The following PPP1R1A variants were observed in gnomAD, a reference collection of about 807,000 sequenced individuals.
PPP1R1A encodes the protein protein phosphatase 1 regulatory subunit 1A.
A neutral mutation model predicts 23.9 loss-of-function variants in PPP1R1A; 18 were observed. The ratio of observed to expected loss-of-function variants is 0.75; its 90% CI spans 0.52 to 1.12. The LOEUF (loss-of-function observed/expected upper bound fraction) is 1.12. Among genes scored for constraint, PPP1R1A ranks in the 50% most tolerant of loss-of-function variants. The pLI is 0.00. For missense variants in PPP1R1A, 207 were observed against 223.8 expected, an observed-to-expected ratio of 0.92 and a Z score of 0.48; for synonymous variants, 84 against 80.7, an observed-to-expected ratio of 1.04 and a Z score of -0.22.
intron 1 of PPP1R1A, among the ~76,000 whole-genome samples, chr12:54,586,701 T>C (rs1317867320): frequency 6.6e-6 from 1 of 152,178 alleles, no homozygotes; most frequent in African/African-American, 2.4e-5. Flanking sequence ...GCTCTCTTTT[T>C]TCCCTCTGAC....
At chr12:54,584,415 T>G in intron 1 of PPP1R1A, 95 bp from the exon 2 acceptor site, 3 of 1,154,962 alleles carry the variant, frequency 2.6e-6, no homozygotes, top group Non-Finnish European at 3.7e-6. Context: ...CAGGCTAGCC[T>G]ACTTAACACA....
At position 54,580,280 on chromosome 12, in the gene PPP1R1A, C is replaced by T. The variant is rs1161891198; in HGVS notation, c.*107G>A. 3.2e-6 allele frequency: 5 copies of T among 1,552,832 alleles called. No individual in the cohort carries two copies. Among genetic ancestry groups the T allele is most frequent in the Admixed American group, 2.0e-5 (1 of 50,416 alleles). On this transcript the variant is annotated 3_prime_UTR_variant, in exon 7 of 7. Transcript: ENST00000257905. Reference sequence around the variant, plus strand: ...CAAGGACCTAACACCAAATTTATCACTTTTTAAAAACAAGAGATTTTCCCC... The same window carrying T: ...CAAGGACCTAACACCAAATTTATCATTTTTTAAAAACAAGAGATTTTCCCC...
chr12:54,582,778 A>G lies in PPP1R1A; in HGVS notation c.201T>C (p.Ser67=), dbSNP rs1193663610. ...NPHLKSTLAM[S]PRQRKKMTRI... ...TTGTCATCTTCTTCCGTTGCCGTGGAGACATTGCCAAAGTGGACTGTGAAG... is the reference window on the plus strand; with the variant it reads ...TTGTCATCTTCTTCCGTTGCCGTGGGGACATTGCCAAAGTGGACTGTGAAG... The change falls in exon 4 of 7, where the codon TCT becomes TCC. Residue 67 remains serine, a synonymous_variant. Coordinates refer to ENST00000257905, the MANE Select transcript of PPP1R1A (RefSeq NM_006741.4). 1.2e-6 allele frequency: 2 copies of G among 1,613,520 alleles called. No individual in the cohort carries two copies. Among genetic ancestry groups the G allele is most frequent in the Admixed American group, 3.3e-5 (2 of 60,022 alleles).
At chr12:54,584,360 G>A (rs1383913360) in intron 1 of PPP1R1A, 40 bp from the exon 2 acceptor site, 4 of 1,531,142 alleles carry the variant, frequency 2.6e-6, no homozygotes, top group South Asian at 1.2e-5. Flanking sequence ...TCAAGTACAC[G>A]TGGAAGCATC....
Position 54,579,743 on chromosome 12 carries a change from A to G in PPP1R1A, c.*644T>C. 2.0e-6 allele frequency: 2 copies of G among 985,588 alleles called. No homozygotes were observed. Among genetic ancestry groups the G allele is most frequent in the Non-Finnish European group, 1.2e-6 (1 of 830,034 alleles). The allele number at this position is 985,588 out of a possible 1,614,324, so 61.1% of individuals were successfully genotyped here. ...GGTTGAAATAAGGGACAGCGGTCCC[A>G]CAGCTGGAAGAGGGAACACATCCTG... On this transcript the variant is annotated 3_prime_UTR_variant, in exon 7 of 7. Transcript: ENST00000257905.
At chr12:54,585,740 G>T (rs1236469182) in intron 1 of PPP1R1A, among the ~76,000 whole-genome samples, 3 of 150,996 alleles carry the variant, frequency 2.0e-5, no homozygotes, top group East Asian at 3.9e-4. Context: ...AAAAGTGGGG[G>T]GTACTGGCTA....
intron 1 of PPP1R1A, among the ~76,000 whole-genome samples, chr12:54,587,017 C>T (rs750001286): frequency 6.5e-4 from 99 of 152,236 alleles, no homozygotes; most frequent in Non-Finnish European, 6.6e-4. Context: ...GGCTCTCCAT[C>T]CTCCTCATCC....
At chr12:54,580,827 G>A (rs949215147) in intron 6 of PPP1R1A, 117 bp downstream of exon 6, 18 of 888,738 alleles carry the variant, frequency 2.0e-5, no homozygotes, top group Non-Finnish European at 3.5e-5. Flanking sequence ...AACTTTTTAG[G>A]GACTGAAGCT....
rs1472024071 is a variant in PPP1R1A at position 54,579,249 on chromosome 12, G to A, written c.*1138C>T. 4.1e-6 allele frequency: 4 copies of A among 985,124 alleles called. No individual in the cohort carries two copies. Among genetic ancestry groups the A allele is most frequent in the East Asian group, 1.1e-4 (1 of 8,820 alleles). The allele number at this position is 985,124 out of a possible 1,614,324, so 61.0% of individuals were successfully genotyped here. A position where few individuals can be genotyped will look rare whatever the true frequency, so the allele number is the denominator to read the frequency against. On this transcript the variant is annotated 3_prime_UTR_variant, in exon 7 of 7. Coordinates refer to ENST00000257905, the MANE Select transcript of PPP1R1A (RefSeq NM_006741.4). Reference sequence around the variant, plus strand: ...AAGAAGGGAGACCAGGCCTGACTGTGTGTGTTCACTGGGTACAAGTTGACC... The same window carrying A: ...AAGAAGGGAGACCAGGCCTGACTGTATGTGTTCACTGGGTACAAGTTGACC...
chr12:54,580,489 G>T, intron 6 of PPP1R1A, 97 bp from the exon 7 acceptor site: 2 of 1,235,200 alleles, frequency 1.6e-6, no homozygotes, highest in Non-Finnish European at 2.3e-6. Context: ...AACATCTAAT[G>T]TCTCAGAAAG....
At chr12:54,588,331 C>A in intron 1 of PPP1R1A, 74 bp downstream of exon 1, 1 of 1,221,372 alleles carries the variant, frequency 8.2e-7, no homozygotes. Flanking sequence ...AGGCAGGGAT[C>A]CTGGGTCCCA....
chr12:54,584,035 TG>T (rs1168524218), intron 2 of PPP1R1A, among the ~76,000 whole-genome samples: 4 of 152,186 alleles, frequency 2.6e-5, no homozygotes, highest in Admixed American at 2.6e-4. Flanking sequence ...CCCCAATTCC[TG>T]GGGGGCTTAG....
Sources: allele counts gnomAD v4.1 joint callset (sites outside exome capture counted in the v4.1 genomes callset), GRCh38; gene constraint gnomAD v4.1.1; transcripts MANE v1.5; gene names NCBI Gene and HGNC (gene_info 2026-07-23, HGNC 2026-07-21).